CELF2: variants seen among roughly 807,000 people sequenced by gnomAD.
CELF2 encodes CUG triplet repeat RNA-binding protein 2.
Under a neutral mutation model 62.6 loss-of-function variants are expected in CELF2, and 8 were observed. That is an observed-to-expected ratio of 0.13 (90% CI 0.07 to 0.23). The LOEUF is 0.23. Ranked by LOEUF, CELF2 falls within the 10% of genes least tolerant of loss-of-function variation. CELF2 has a pLI of 1.00. For synonymous variants in CELF2, 258 were observed against 250.0 expected, an observed-to-expected ratio of 1.03 and a Z score of -0.30; for missense variants, 333 against 671.0, an observed-to-expected ratio of 0.50 and a Z score of 5.56.
chr10:11,314,730 C>G lies in CELF2; in HGVS notation c.1096+472C>G, dbSNP rs561928962. 4.7e-6 allele frequency: 1 copy of G among 210,774 alleles called. No homozygotes were observed. Among genetic ancestry groups the G allele is most frequent in the Admixed American group, 5.5e-5 (1 of 18,342 alleles). The allele number at this position is 210,774 out of a possible 1,614,324, so 13.1% of individuals were successfully genotyped here. On this transcript the variant is annotated intron_variant, in intron 10 of 12. Coordinates refer to ENST00000633077, the MANE Select transcript of CELF2 (RefSeq NM_001326342.2). This position sits in a 1 kb window ranked among gnomAD's most constrained non-coding sequence, Gnocchi z 5.3. The stretch of plus-strand genomic sequence containing the variant: ...CATTTGAGAATGGAAAGTTCTGGGT[C>G]AGATGATTCTTAAAGGTAGCCTCCA...
intron 2 of CELF2, among the ~76,000 whole-genome samples, chr10:11,181,884 T>C (rs1000415917): frequency 6.6e-6 from 1 of 152,216 alleles, no homozygotes; most frequent in Non-Finnish European, 1.5e-5. Flanking sequence ...TATCCTGCCT[T>C]GTTCTTCTTT....
At chr10:10,741,386 C>G in the CELF2 span, among the ~76,000 whole-genome samples, 1 of 149,046 alleles carries the variant, frequency 6.7e-6, no homozygotes, top group East Asian at 2.1e-4. Flanking sequence ...TGGTGGGCAC[C>G]TGTAGTCCCA....
chr10:11,161,529 A>G (rs905485776), intron 1 of CELF2, among the ~76,000 whole-genome samples: 4 of 152,254 alleles, frequency 2.6e-5, no homozygotes, highest in African/African-American at 9.6e-5. Flanking sequence ...TGGAAAAGTC[A>G]ATGTATCTCT....
intron 2 of CELF2, among the ~76,000 whole-genome samples, chr10:10,971,649 C>T (rs973551315): frequency 1.3e-4 from 20 of 152,184 alleles, no homozygotes; most frequent in African/African-American, 4.8e-4. Context: ...TGCAGTGGTG[C>T]TATCTCAGTT....
chr10:11,104,733 A>G lies in CELF2; in HGVS notation c.75-60753A>G, dbSNP rs139175421. 4.8e-3 allele frequency among the ~76,000 whole-genome samples: 725 copies of G among 152,352 alleles called. 10 individuals carry two copies. The highest frequency in any genetic ancestry group is 0.017 in the African/African-American group (697 of 41,560). On this transcript the variant is annotated intron_variant, in intron 1 of 12. Coordinates refer to ENST00000633077, the MANE Select transcript of CELF2 (RefSeq NM_001326342.2). Reference sequence around the variant, plus strand: ...ACTAAGAAAAATGTTCACTAAATGCACTAAGGTAAAACATTATTGAAAACA... The same window carrying G: ...ACTAAGAAAAATGTTCACTAAATGCGCTAAGGTAAAACATTATTGAAAACA...
intron 1 of CELF2, among the ~76,000 whole-genome samples, chr10:11,049,511 C>G (rs922208324): frequency 7.2e-6 from 1 of 137,978 alleles, no homozygotes; most frequent in Non-Finnish European, 1.5e-5. Flanking sequence ...ATCTTCATTC[C>G]TGTTCCCTTT....
At chr10:10,619,806 A>T in the CELF2 span, among the ~76,000 whole-genome samples, 3 of 152,208 alleles carry the variant, frequency 2.0e-5, no homozygotes, top group Admixed American at 2.0e-4. Flanking sequence ...ATGGGCTTAC[A>T]TACCATTTGG....
At chr10:11,155,582 T>C (rs573112975) in intron 1 of CELF2, among the ~76,000 whole-genome samples, 1 of 152,340 alleles carries the variant, frequency 6.6e-6, no homozygotes, top group African/African-American at 2.4e-5. Context: ...GATCATTTTT[T>C]TCTTTATGCT....
At chr10:10,851,535 G>T (rs2059382126) in intron 1 of CELF2, among the ~76,000 whole-genome samples, 1 of 152,186 alleles carries the variant, frequency 6.6e-6, no homozygotes, top group South Asian at 2.1e-4. Flanking sequence ...TGTAGGCAAA[G>T]ATTTCTTAGA....
At chr10:11,150,780 C>T (rs550347771) in intron 1 of CELF2, among the ~76,000 whole-genome samples, 10 of 152,192 alleles carry the variant, frequency 6.6e-5, no homozygotes, top group Non-Finnish European at 1.3e-4. Flanking sequence ...TCCCGTCTCT[C>T]CAATGAGTTT....
chr10:10,911,166 G>A (rs781298193), intron 1 of CELF2, among the ~76,000 whole-genome samples: 2 of 152,128 alleles, frequency 1.3e-5, no homozygotes, highest in African/African-American at 4.8e-5. Flanking sequence ...CCACTATCTC[G>A]AAATGACGGA....
chr10:10,679,983 G>A, the CELF2 span, among the ~76,000 whole-genome samples: 1 of 152,086 alleles, frequency 6.6e-6, no homozygotes, highest in African/African-American at 2.4e-5. Context: ...TATAAATACA[G>A]AAGAGTATAT....
At chr10:10,598,817 G>C in the CELF2 span, among the ~76,000 whole-genome samples, 1 of 142,090 alleles carries the variant, frequency 7.0e-6, no homozygotes, top group Admixed American at 7.3e-5. Context: ...TGGAGTGCGG[G>C]ATCTCGGCTC....
the CELF2 span, among the ~76,000 whole-genome samples, chr10:10,600,950 G>A: frequency 6.6e-6 from 1 of 152,170 alleles, no homozygotes; most frequent in Non-Finnish European, 1.5e-5. Context: ...AGCCAGCAGG[G>A]GTGGAACCAT....
the CELF2 span, among the ~76,000 whole-genome samples, chr10:10,639,181 C>G: frequency 6.6e-6 from 1 of 152,180 alleles, no homozygotes; most frequent in African/African-American, 2.4e-5. Context: ...GTGATTGGCA[C>G]TGACATGGTG....
At chr10:10,503,278 T>C in the CELF2 span, among the ~76,000 whole-genome samples, 1 of 152,012 alleles carries the variant, frequency 6.6e-6, no homozygotes, top group Non-Finnish European at 1.5e-5. Context: ...TTGTGTATCC[T>C]TGCTAATTTT....
chr10:10,647,118 C>A, the CELF2 span, among the ~76,000 whole-genome samples: 1 of 152,208 alleles, frequency 6.6e-6, no homozygotes, highest in African/African-American at 2.4e-5. Flanking sequence ...TCTAAGTTAA[C>A]TGCTCTGCCT....
At chr10:10,862,329 TG>T (rs1208155738) in intron 1 of CELF2, among the ~76,000 whole-genome samples, 10 of 152,192 alleles carry the variant, frequency 6.6e-5, no homozygotes, top group African/African-American at 2.4e-4. Flanking sequence ...ACATGTTGGC[TG>T]GACTGCAATG....
the CELF2 span, among the ~76,000 whole-genome samples, chr10:10,774,208 C>G: frequency 6.6e-6 from 1 of 152,126 alleles, no homozygotes; most frequent in African/African-American, 2.4e-5. Flanking sequence ...ATTCCAAACA[C>G]GAGAGATGGG....
Sources: allele counts gnomAD v4.1 joint callset (sites outside exome capture counted in the v4.1 genomes callset), GRCh38; gene constraint gnomAD v4.1.1; non-coding constraint Gnocchi (gnomAD v3.1); transcripts MANE v1.5; gene names NCBI Gene and HGNC (gene_info 2026-07-23, HGNC 2026-07-21).